Variants in FGD2 observed in about 807,000 individuals in gnomAD.
The protein encoded by FGD2 is FYVE, RhoGEF and PH domain containing 2, also known as FYVE, RhoGEF and PH domain-containing protein 2.
In FGD2, 52 loss-of-function variants were observed where a neutral mutation model predicts 75.9. The observed-to-expected ratio is 0.69, with a 90% CI of 0.55 to 0.86. The LOEUF (loss-of-function observed/expected upper bound fraction) is 0.86, where lower values mean the gene tolerates loss of function less well. FGD2 is among the 40% of genes least tolerant of loss of function. The probability of loss-of-function intolerance (pLI) is 0.00; values close to 1 mark genes in which losing one functional copy is unlikely to be tolerated. For missense variants in FGD2, 790 were observed against 872.0 expected, an observed-to-expected ratio of 0.91 and a Z score of 1.18; for synonymous variants, 347 against 348.6, an observed-to-expected ratio of 1.00 and a Z score of 0.05.
intron 13 of FGD2, chr6:37,022,723 AGGCCTCTACCTGCCCTACCTG>A: frequency 4.2e-6 from 1 of 239,270 alleles, no homozygotes; most frequent in Admixed American, 5.6e-5. Context: ...TGTCCCACTT[AGGCCTCTACCTGCCCTACCTG>A]GGCCTCTACC....
intron 2 of FGD2, 72 bp from the exon 3 acceptor site, chr6:37,010,901 G>A (rs765089607): frequency 5.7e-5 from 81 of 1,433,232 alleles, no homozygotes; most frequent in South Asian, 2.3e-5. Context: ...AGACTGAACC[G>A]AGGTCCCCAT....
intron 12 of FGD2, 42 bp downstream of exon 12, chr6:37,021,646 C>G (rs2150781368): frequency 1.9e-6 from 3 of 1,540,626 alleles, no homozygotes; most frequent in Non-Finnish European, 2.7e-6. Flanking sequence ...GCCACCAACC[C>G]AAATAGAGCT....
chr6:37,026,779 C>A (rs1404102636), intron 14 of FGD2, among the ~76,000 whole-genome samples: 1 of 151,736 alleles, frequency 6.6e-6, no homozygotes, highest in East Asian at 1.9e-4. Context: ...GTGGATGGAT[C>A]ACGTGCGGTC....
intron 5 of FGD2, 92 bp from the exon 6 acceptor site, chr6:37,013,870 A>G: frequency 6.3e-7 from 1 of 1,583,408 alleles, no homozygotes; most frequent in Non-Finnish European, 8.6e-7. Flanking sequence ...CTGCTTCCAT[A>G]GGCCCCTGCC....
At chr6:37,015,952 C>A in intron 9 of FGD2, 92 bp downstream of exon 9, 1 of 1,168,956 alleles carries the variant, frequency 8.6e-7, no homozygotes, top group South Asian at 1.5e-5. Context: ...TTCTCAATCA[C>A]AGAACCAAAC....
At chr6:37,018,751 G>C (rs577861787) in intron 9 of FGD2, among the ~76,000 whole-genome samples, 44 of 152,336 alleles carry the variant, frequency 2.9e-4, no homozygotes, top group African/African-American at 9.9e-4. Context: ...TATTTATAGT[G>C]AGAATTGTCC....
rs765180579 is a variant in FGD2, at chr6:37,011,832, C to A, written c.505C>A (p.Leu169Met). 1.2e-6 allele frequency: 2 copies of A among 1,614,114 alleles called. No homozygotes were observed. The highest frequency in any genetic ancestry group is 1.1e-5 in the South Asian group (1 of 91,066). ...CCATTCTCAGTTCTTCCTCCCAGAG[C>A]TGCAGCGGCGCCTGGACGACTGGTG... ...QFHSQFFLPE[L>M]QRRLDDWTAN... The change falls in exon 4 of 16, where the codon CTG (leucine) becomes ATG (methionine). Residue 169 changes from leucine (L) to methionine (M), a missense_variant. By Grantham distance (15) the Leu-to-Met change is conservative (BLOSUM62 2). Transcript: ENST00000274963.
intron 2 of FGD2, chr6:37,009,683 T>C (rs1289144118): frequency 6.6e-6 from 1 of 152,222 alleles, no homozygotes; most frequent in Non-Finnish European, 1.5e-5. Flanking sequence ...TAGTAATGCG[T>C]CCTGGTTTTC....
chr6:37,020,497 G>A (rs1276198080), intron 9 of FGD2, 44 bp from the exon 10 acceptor site: 5 of 1,557,084 alleles, frequency 3.2e-6, no homozygotes, highest in Admixed American at 3.7e-5. Context: ...CCTGGGACCC[G>A]GGCTATGATG....
Position 37,028,489 on chromosome 6 carries a change from T to C in FGD2, c.*326T>C. 6.3e-6 allele frequency: 2 copies of C among 317,594 alleles called. No homozygotes were observed. The highest frequency in any genetic ancestry group is 5.8e-6 in the Non-Finnish European group (1 of 173,706). The allele number at this position is 317,594 out of a possible 1,614,324, so 19.7% of individuals were successfully genotyped here. The stretch of plus-strand genomic sequence containing the variant: ...AGTATGGTTTTTCATTTGTATCTCC[T>C]GGGGAGCTTTTAAAGAGTACTGGTG... On this transcript the variant is annotated 3_prime_UTR_variant, in exon 16 of 16. Transcript: ENST00000274963.
intron 13 of FGD2, chr6:37,025,166 G>C (rs1408983506): frequency 6.5e-6 from 1 of 152,674 alleles, no homozygotes; most frequent in East Asian, 1.9e-4. Flanking sequence ...CTGAGAGTGG[G>C]CCCCGCTCCA....
rs2150780142 is a variant in FGD2, at chr6:37,020,621, G to C, written c.1202+1G>C. The C allele has an allele frequency of 1.9e-6, 3 of 1,600,922 alleles. No individual in the cohort carries two copies. Among genetic ancestry groups the C allele is most frequent in the Non-Finnish European group, 2.6e-6 (3 of 1,173,790 alleles). ...AGCGCACCCTGGAGCTGCAAGCCCG[G>C]TAAAGGAGCTGGGGTGGCGGCCCAG... On this transcript the variant is annotated splice_donor_variant, in intron 10 of 15. Coordinates refer to ENST00000274963, the MANE Select transcript of FGD2 (RefSeq NM_173558.4). LOFTEE classifies it high-confidence loss of function.
intron 10 of FGD2, 38 bp from the exon 11 acceptor site, chr6:37,020,667 AGGGG>A: frequency 6.3e-7 from 1 of 1,580,198 alleles, no homozygotes; most frequent in Non-Finnish European, 8.6e-7. Flanking sequence ...GAAAACTGGG[AGGGG>A]CTGATCTCCT....
In FGD2 at chr6:37,027,489, G is replaced by A. The variant is rs200369147; in HGVS notation, c.1666G>A (p.Asp556Asn). Reference protein sequence around the residue: ...LMCSFLQLIGDKWGKSGPRGW... With the variant: ...LMCSFLQLIGNKWGKSGPRGW... ...GTGCAGCTTCCTGCAGCTCATCGGG[G>A]ACAAGTGGGGCAAGAGCGGCCCCCG... Residue 556 changes from aspartate to asparagine, a missense_variant, in exon 15 of 16, where the codon GAC becomes AAC. Transcript: ENST00000274963. The A allele has an allele frequency of 1.8e-5, 29 of 1,614,064 alleles. No individual in the cohort carries two copies. Among genetic ancestry groups the A allele is most frequent in the Non-Finnish European group, 2.4e-5 (28 of 1,179,948 alleles).
chr6:37,028,226 TGACC>T lies in FGD2; in HGVS notation c.*64_*67del. On this transcript the variant is annotated 3_prime_UTR_variant, in exon 16 of 16. Coordinates refer to ENST00000274963, the MANE Select transcript of FGD2 (RefSeq NM_173558.4). ...CCTGAACCCAGCTCCTGCCACAGAC[TGACC>T]CTGTGGCCTCAGTGACCCACTGCCC... The T allele has an allele frequency of 1.4e-6, 2 of 1,430,776 alleles. No homozygotes were observed. Among genetic ancestry groups the T allele is most frequent in the Non-Finnish European group, 1.9e-6 (2 of 1,081,038 alleles). 88.6% of individuals were successfully genotyped at this position (1,430,776 alleles called of 1,614,324 possible). A position where few individuals can be genotyped will look rare whatever the true frequency, so the allele number is the denominator to read the frequency against.
At chr6:37,015,508 T>C (rs1765241272) in intron 8 of FGD2, among the ~76,000 whole-genome samples, 1 of 152,188 alleles carries the variant, frequency 6.6e-6, no homozygotes, top group South Asian at 2.1e-4. Flanking sequence ...AGAAAGGCCT[T>C]GTAGGTTTCT....
At chr6:37,020,863 A>G in intron 11 of FGD2, 124 bp downstream of exon 11, 1 of 1,274,480 alleles carries the variant, frequency 7.8e-7, no homozygotes, top group Non-Finnish European at 1.1e-6. Context: ...TTTGGGCTGA[A>G]GGGGAGGGAG....
rs1765139964 is a variant in FGD2 at position 37,013,777 on chromosome 6, G to C, written c.684+12G>C. On this transcript the variant is annotated intron_variant, in intron 5 of 15. Coordinates refer to ENST00000274963, the MANE Select transcript of FGD2 (RefSeq NM_173558.4). ...TCACTCGCATCCAGGTGAGGCTGGG[G>C]GAGGGCTGGAGTCAGCATTGCCACT... 6.2e-7 allele frequency: 1 copy of C among 1,613,316 alleles called. No individual in the cohort carries two copies. Among genetic ancestry groups the C allele is most frequent in the Non-Finnish European group, 8.5e-7 (1 of 1,179,590 alleles).
intron 1 of FGD2, among the ~76,000 whole-genome samples, chr6:37,006,904 T>C (rs564607276): frequency 1.3e-5 from 2 of 152,236 alleles, no homozygotes; most frequent in South Asian, 4.1e-4. Flanking sequence ...CTCTCGGTTG[T>C]TCCAGCTGAG....
Sources: gnomAD v4.1 joint callset for allele counts (sites outside exome capture counted in the v4.1 genomes callset) on GRCh38, gnomAD v4.1.1 for gene constraint, MANE v1.5 for transcripts, NCBI Gene and HGNC (gene_info 2026-07-23, HGNC 2026-07-21) for gene names.